Variants in CACNB2 observed in about 807,000 individuals in gnomAD.
CACNB2 encodes the protein voltage-dependent L-type calcium channel subunit beta-2.
A neutral mutation model predicts 73.3 loss-of-function variants in CACNB2; 42 were observed. The ratio of observed to expected loss-of-function variants is 0.57; its 90% CI spans 0.45 to 0.74. The LOEUF is 0.74. Among genes scored for constraint, CACNB2 ranks in the 30% least tolerant of loss-of-function variants. The pLI, the probability that CACNB2 is intolerant of heterozygous loss-of-function variation, is 0.00. For missense variants in CACNB2, 940 were observed against 853.0 expected, an observed-to-expected ratio of 1.10 and a Z score of -1.27; for synonymous variants, 348 against 310.3, an observed-to-expected ratio of 1.12 and a Z score of -1.28.
At chr10:18,474,033 T>C (rs1024549643) in intron 3 of CACNB2, among the ~76,000 whole-genome samples, 1 of 152,232 alleles carries the variant, frequency 6.6e-6, no homozygotes, top group African/African-American at 2.4e-5. Context: ...AGAGCTCTTT[T>C]ATCTCTAATA....
chr10:18,299,536 C>T (rs2039421934), intron 2 of CACNB2, among the ~76,000 whole-genome samples: 1 of 152,026 alleles, frequency 6.6e-6, no homozygotes, highest in South Asian at 2.1e-4. Context: ...CATGGTGAAA[C>T]CCCATCTCCA....
chr10:18,466,909 C>G (rs1198490601), intron 3 of CACNB2, among the ~76,000 whole-genome samples: 1 of 152,132 alleles, frequency 6.6e-6, no homozygotes. Flanking sequence ...AATCCCAGCA[C>G]TTTGGGAGGC....
intron 2 of CACNB2, among the ~76,000 whole-genome samples, chr10:18,393,842 A>G (rs1231954437): frequency 6.6e-6 from 1 of 152,252 alleles, no homozygotes; most frequent in Non-Finnish European, 1.5e-5. Context: ...GGAAAATTTC[A>G]GAGGAGCAGC....
intron 2 of CACNB2, among the ~76,000 whole-genome samples, chr10:18,277,133 A>T (rs2038330383): frequency 6.6e-6 from 1 of 152,272 alleles, no homozygotes. Flanking sequence ...GAAAAAAGTC[A>T]TGGAGGGTCA....
intron 3 of CACNB2, among the ~76,000 whole-genome samples, chr10:18,481,574 G>A (rs2048780582): frequency 6.6e-6 from 1 of 151,764 alleles, no homozygotes; most frequent in South Asian, 2.1e-4. Context: ...AGTGTCTTGA[G>A]ATGTGGCTTA....
intron 2 of CACNB2, among the ~76,000 whole-genome samples, chr10:18,247,645 A>G (rs1478688318): frequency 3.3e-5 from 5 of 152,214 alleles, no homozygotes; most frequent in Admixed American, 6.5e-5. Context: ...GCTGTAATGA[A>G]ATAGCATCAA....
At chr10:18,470,419 C>T (rs7098844) in intron 3 of CACNB2, among the ~76,000 whole-genome samples, 144,850 of 149,676 alleles carry the variant, frequency 0.97, 70,115 homozygotes, top group African/African-American at 0.99. Flanking sequence ...TAGTATATAA[C>T]ATATGGTGTA....
intron 3 of CACNB2, among the ~76,000 whole-genome samples, chr10:18,489,234 C>T (rs1046641004): frequency 4.1e-4 from 62 of 151,594 alleles, no homozygotes; most frequent in African/African-American, 1.5e-3. Context: ...ACAAAAAATA[C>T]AAAAAATTAA....
intron 4 of CACNB2, among the ~76,000 whole-genome samples, chr10:18,499,609 G>A (rs2050062241): frequency 1.8e-5 from 1 of 56,578 alleles, no homozygotes; most frequent in Non-Finnish European, 3.5e-5. Flanking sequence ...GTGAGATTCT[G>A]TCTCAAAGAA....
intron 2 of CACNB2, among the ~76,000 whole-genome samples, chr10:18,319,714 A>T (rs903481652): frequency 3.3e-5 from 5 of 152,212 alleles, no homozygotes; most frequent in African/African-American, 1.2e-4. Context: ...TAGTAAATAA[A>T]CAAACCAAAT....
At chr10:18,162,628 A>G (rs2032549480) in intron 2 of CACNB2, among the ~76,000 whole-genome samples, 2 of 152,218 alleles carry the variant, frequency 1.3e-5, no homozygotes, top group African/African-American at 2.4e-5. Context: ...TTTGAAACCA[A>G]TTCCCAGTGG....
intron 2 of CACNB2, among the ~76,000 whole-genome samples, chr10:18,378,932 A>G (rs2042907843): frequency 1.3e-5 from 2 of 152,126 alleles, no homozygotes; most frequent in Admixed American, 6.5e-5. Flanking sequence ...CTGCCAGCCC[A>G]GGGCTGTTCT....
intron 2 of CACNB2, among the ~76,000 whole-genome samples, chr10:18,302,185 T>A (rs1487044529): frequency 6.6e-6 from 1 of 152,090 alleles, no homozygotes; most frequent in Non-Finnish European, 1.5e-5. Context: ...GCAGTCAAAG[T>A]TGTAGAACAG....
intron 2 of CACNB2, among the ~76,000 whole-genome samples, chr10:18,186,008 CAT>C (rs975341391): frequency 3.9e-5 from 6 of 152,172 alleles, no homozygotes; most frequent in Non-Finnish European, 7.4e-5. Context: ...TTTTAGTTGA[CAT>C]GTGAACAGAG....
At chr10:18,453,372 A>T (rs533942775) in intron 3 of CACNB2, among the ~76,000 whole-genome samples, 1 of 152,338 alleles carries the variant, frequency 6.6e-6, no homozygotes, top group South Asian at 2.1e-4. Flanking sequence ...CCTTCCTGCC[A>T]GTCCCACCTC....
intron 3 of CACNB2, among the ~76,000 whole-genome samples, chr10:18,497,890 C>T (rs2049933014): frequency 6.6e-6 from 1 of 152,118 alleles, no homozygotes; most frequent in South Asian, 2.1e-4. Context: ...CATATTTTCC[C>T]CGGCTCTTTT....
chr10:18,495,569 GTGTGTGTGTGTGT>G lies in CACNB2; in HGVS notation c.334-2785_334-2773del, dbSNP rs1406704561. ...ACTGTGTGTGTGTGTGTGTGTGTGT[GTGTGTGTGTGTGT>G]GTGTGTGTGTATAAGAGATGAGGTC... On this transcript the variant is annotated intron_variant, in intron 3 of 13. Coordinates refer to ENST00000324631, the MANE Select transcript of CACNB2 (RefSeq NM_201596.3). 1.6e-3 allele frequency among the ~76,000 whole-genome samples: 233 copies of G among 143,054 alleles called. 1 individual carries two copies. Among genetic ancestry groups the G allele is most frequent in the African/African-American group, 6.5e-3 (227 of 34,950 alleles). 93.8% of individuals were successfully genotyped at this position (143,054 alleles called of 152,430 possible). A position where few individuals can be genotyped will look rare whatever the true frequency, so the allele number is the denominator to read the frequency against.
At chr10:18,306,793 C>T (rs1359354188) in intron 2 of CACNB2, among the ~76,000 whole-genome samples, 2 of 152,012 alleles carry the variant, frequency 1.3e-5, no homozygotes, top group African/African-American at 2.4e-5. Flanking sequence ...CAGGTGATTC[C>T]GGGAGGTTAA....
intron 2 of CACNB2, among the ~76,000 whole-genome samples, chr10:18,325,965 GAACTCCTGGGCTCA>G (rs991922017): frequency 1.3e-5 from 2 of 151,932 alleles, no homozygotes; most frequent in Admixed American, 6.6e-5. Flanking sequence ...GGCTGGTCTT[GAACTCCTGGGCTCA>G]AACTCCTGGG....
Sources: gnomAD v4.1 joint callset for allele counts (sites outside exome capture counted in the v4.1 genomes callset) on GRCh38, gnomAD v4.1.1 for gene constraint, MANE v1.5 for transcripts, NCBI Gene and HGNC (gene_info 2026-07-23, HGNC 2026-07-21) for gene names.